ZNF382: variants seen among roughly 807,000 people sequenced by gnomAD.
ZNF382 encodes the protein KRAB/zinc finger suppressor protein 1.
ZNF382 carries 20 observed loss-of-function variants against 38.8 expected under a neutral mutation model. That is an observed-to-expected ratio of 0.51 (90% CI 0.36 to 0.75). The LOEUF (loss-of-function observed/expected upper bound fraction) is 0.75, where lower values mean the gene tolerates loss of function less well. ZNF382 is among the 30% of genes least tolerant of loss of function. ZNF382 has a pLI of 0.00. For synonymous variants in ZNF382, 202 were observed against 223.1 expected, an observed-to-expected ratio of 0.91 and a Z score of 0.84; for missense variants, 546 against 654.1, an observed-to-expected ratio of 0.83 and a Z score of 1.80.
chr19:36,611,413 A>G (rs1027000158), intron 4 of ZNF382, among the ~76,000 whole-genome samples: 1 of 152,188 alleles, frequency 6.6e-6, no homozygotes, highest in African/African-American at 2.4e-5. Flanking sequence ...GCAATCACAT[A>G]GTATTTATCC....
At position 36,607,621 on chromosome 19, in the gene ZNF382, A is replaced by C. The variant is rs1232491304; in HGVS notation, c.-15A>C. Reference sequence around the variant, plus strand: ...TCTAGAAATCTCAAAGCCATGTCTCAGGTGAGATGATGTTTCCTCTCTTTC... The same window carrying C: ...TCTAGAAATCTCAAAGCCATGTCTCCGGTGAGATGATGTTTCCTCTCTTTC... On this transcript the variant is annotated splice_region_variant and 5_prime_UTR_variant, in exon 2 of 5. Transcript: ENST00000292928. 7.2e-6 allele frequency: 11 copies of C among 1,523,964 alleles called. No homozygotes were observed. The highest frequency in any genetic ancestry group is 9.6e-6 in the Non-Finnish European group (11 of 1,143,462). The allele number at this position is 1,523,964 out of a possible 1,614,324, so 94.4% of individuals were successfully genotyped here. A position where few individuals can be genotyped will look rare whatever the true frequency, so the allele number is the denominator to read the frequency against.
chr19:36,610,794 C>T, intron 4 of ZNF382, 52 bp downstream of exon 4: 1 of 1,377,058 alleles, frequency 7.3e-7, no homozygotes, highest in Non-Finnish European at 1.0e-6. Context: ...TAGTTGAAGC[C>T]TTTGAATGTT....
In ZNF382 at chr19:36,617,437, T is replaced by G. The variant is rs538734319; in HGVS notation, c.232+6695T>G. 2.0e-5 allele frequency among the ~76,000 whole-genome samples: 3 copies of G among 152,226 alleles called. No individual in the cohort carries two copies. In the South Asian group the frequency reaches 6.2e-4, roughly 32 times the overall value. ...GTGGACCAGGAGTCTGACTCACCAG[T>G]GGGTCCCCAGTCAGTCAGGAGTGAA... On this transcript the variant is annotated intron_variant, in intron 4 of 4. Transcript: ENST00000292928.
At chr19:36,622,184 G>A (rs1214866562) in intron 4 of ZNF382, among the ~76,000 whole-genome samples, 2 of 152,060 alleles carry the variant, frequency 1.3e-5, no homozygotes, top group Non-Finnish European at 2.9e-5. Flanking sequence ...ACTACACCCT[G>A]CTGATTTTTG....
intron 4 of ZNF382, among the ~76,000 whole-genome samples, chr19:36,624,913 C>A (rs1799402745): frequency 1.3e-5 from 2 of 149,330 alleles, no homozygotes; most frequent in African/African-American, 2.5e-5. Flanking sequence ...AAAAAAAAAT[C>A]AAAAATTAGC....
chr19:36,623,716 C>G (rs1486067261), intron 4 of ZNF382, among the ~76,000 whole-genome samples: 1 of 151,786 alleles, frequency 6.6e-6, no homozygotes, highest in Non-Finnish European at 1.5e-5. Flanking sequence ...ATCACTTGAA[C>G]CTGGGATACT....
In ZNF382 at chr19:36,627,580, T is replaced by A. The variant is rs369180740; in HGVS notation, c.*30T>A. On this transcript the variant is annotated 3_prime_UTR_variant, in exon 5 of 5. Transcript: ENST00000292928. Reference sequence around the variant, plus strand: ...TGTGGCTTTTTTTGTAAAAAAATGTTAAGTCATAGTAAACCCTGTAGATGA... The same window carrying A: ...TGTGGCTTTTTTTGTAAAAAAATGTAAAGTCATAGTAAACCCTGTAGATGA... 5 of 1,512,272 alleles carry A rather than the reference T, an allele frequency of 3.3e-6. No individual in the cohort carries two copies. In the African/African-American group the frequency reaches 6.9e-5, roughly 21 times the overall value. 93.7% of individuals were successfully genotyped at this position (1,512,272 alleles called of 1,614,324 possible). A position where few individuals can be genotyped will look rare whatever the true frequency, so the allele number is the denominator to read the frequency against.
At chr19:36,615,248 T>G (rs1568628829) in intron 4 of ZNF382, among the ~76,000 whole-genome samples, 1 of 152,106 alleles carries the variant, frequency 6.6e-6, no homozygotes, top group Non-Finnish European at 1.5e-5. Context: ...CCTCCCAAAG[T>G]GCTGGGACTA....
At chr19:36,618,155 G>C (rs775289413) in intron 4 of ZNF382, among the ~76,000 whole-genome samples, 21 of 152,222 alleles carry the variant, frequency 1.4e-4, no homozygotes, top group Non-Finnish European at 2.6e-4. Flanking sequence ...TACCAGAAAG[G>C]GACTGCCCCA....
Position 36,627,849 on chromosome 19 carries a change from T to G in ZNF382, c.*299T>G, listed in dbSNP as rs1042606343. 2 of 278,748 alleles carry G rather than the reference T, an allele frequency of 7.2e-6. No homozygotes were observed. The highest frequency in any genetic ancestry group is 4.4e-5 in the African/African-American group (2 of 45,398). 17.3% of individuals were successfully genotyped at this position (278,748 alleles called of 1,614,324 possible). On this transcript the variant is annotated 3_prime_UTR_variant, in exon 5 of 5. Coordinates refer to ENST00000292928, the MANE Select transcript of ZNF382 (RefSeq NM_032825.5). Reference sequence around the variant, plus strand: ...ATCACATTTTCCATTTCCATACATATCTTTTTGTTCATCAGTAATAACTAG... The same window carrying G: ...ATCACATTTTCCATTTCCATACATAGCTTTTTGTTCATCAGTAATAACTAG...
intron 1 of ZNF382, among the ~76,000 whole-genome samples, chr19:36,607,351 A>G (rs2145310016): frequency 6.6e-6 from 1 of 152,270 alleles, no homozygotes; most frequent in African/African-American, 2.4e-5. Context: ...TACTTTACCA[A>G]GAGACTGGGT....
Position 36,627,758 on chromosome 19 carries a change from C to CT in ZNF382, c.*217dup, listed in dbSNP as rs926732835. 112 of 469,870 alleles carry CT rather than the reference C, an allele frequency of 2.4e-4. No individual in the cohort carries two copies. Among genetic ancestry groups the CT allele is most frequent in the Middle Eastern group, 5.8e-4 (1 of 1,730 alleles). The allele number at this position is 469,870 out of a possible 1,614,324, so 29.1% of individuals were successfully genotyped here. On this transcript the variant is annotated 3_prime_UTR_variant, in exon 5 of 5. Coordinates refer to ENST00000292928, the MANE Select transcript of ZNF382 (RefSeq NM_032825.5). ...GACAAAAATCATTAAGAAGTCCAAACTTTTTTTTTATTACTAGCTTCAGCA... is the reference window on the plus strand; with the variant it reads ...GACAAAAATCATTAAGAAGTCCAAACTTTTTTTTTTATTACTAGCTTCAGCA...
In ZNF382 at chr19:36,630,498, C is replaced by T. The variant is rs1161990218; in HGVS notation, c.*2948C>T. ...TCCCAAGTAGCTGGGATTACAGGCGCCCACCTGTATTTTTAGTAGAGACGG... is the reference window on the plus strand; with the variant it reads ...TCCCAAGTAGCTGGGATTACAGGCGTCCACCTGTATTTTTAGTAGAGACGG... On this transcript the variant is annotated 3_prime_UTR_variant, in exon 5 of 5. Transcript: ENST00000292928. The T allele has an allele frequency of 6.7e-6, 1 of 149,582 alleles. No individual in the cohort carries two copies. Among genetic ancestry groups the T allele is most frequent in the South Asian group, 2.1e-4 (1 of 4,688 alleles). 9.3% of individuals were successfully genotyped at this position (149,582 alleles called of 1,614,324 possible).
In ZNF382 at chr19:36,629,761, C is replaced by G. The variant is rs1158251406; in HGVS notation, c.*2211C>G. Reference sequence around the variant, plus strand: ...CCAGCCTGGGAAACATGCCAAAACCCCATCTCTACAAAAAATTAGCCAGGA... The same window carrying G: ...CCAGCCTGGGAAACATGCCAAAACCGCATCTCTACAAAAAATTAGCCAGGA... On this transcript the variant is annotated 3_prime_UTR_variant, in exon 5 of 5. Transcript: ENST00000292928. The G allele has an allele frequency of 6.6e-6, 1 of 151,810 alleles. No homozygotes were observed. The highest frequency in any genetic ancestry group is 2.4e-5 in the African/African-American group (1 of 41,328). 9.4% of individuals were successfully genotyped at this position (151,810 alleles called of 1,614,324 possible).
In ZNF382 at chr19:36,626,361, GC is replaced by G; in HGVS notation, c.468del (p.Ile157Ter). ...NISELVIRNI[S>X]PIKEKFGDST... The stretch of plus-strand genomic sequence containing the variant: ...TCAGAACTAGTCATTAGAAATATAA[GC>G]CCCATAAAAGAGAAGTTTGGTGACA... On this transcript the variant is annotated frameshift_variant, in exon 5 of 5. Coordinates refer to ENST00000292928, the MANE Select transcript of ZNF382 (RefSeq NM_032825.5). LOFTEE classifies it high-confidence loss of function. The G allele has an allele frequency of 6.3e-7, 1 of 1,579,158 alleles. No homozygotes were observed. The highest frequency in any genetic ancestry group is 2.2e-5 in the East Asian group (1 of 44,636).
intron 2 of ZNF382, 44 bp downstream of exon 2, chr19:36,607,666 G>T: frequency 6.7e-7 from 1 of 1,494,376 alleles, no homozygotes; most frequent in South Asian, 1.3e-5. Flanking sequence ...TTTTTTTCAT[G>T]GTGTATGAAC....
intron 4 of ZNF382, among the ~76,000 whole-genome samples, chr19:36,616,548 C>T (rs2037127670): frequency 6.6e-6 from 1 of 152,260 alleles, no homozygotes; most frequent in Non-Finnish European, 1.5e-5. Context: ...ATCTTTGCTC[C>T]ACTTTATATT....
rs372698489 is a variant in ZNF382, at chr19:36,628,315, A to G, written c.*765A>G. ...ATACATGTATTTCTCTTGTGTATATACTTAGGAGTGGAATCGCTGGGTCTT... is the reference window on the plus strand; with the variant it reads ...ATACATGTATTTCTCTTGTGTATATGCTTAGGAGTGGAATCGCTGGGTCTT... On this transcript the variant is annotated 3_prime_UTR_variant, in exon 5 of 5. Coordinates refer to ENST00000292928, the MANE Select transcript of ZNF382 (RefSeq NM_032825.5). The G allele has an allele frequency of 6.6e-6, 1 of 152,562 alleles. No homozygotes were observed. The highest frequency in any genetic ancestry group is 2.4e-5 in the African/African-American group (1 of 41,422). 9.5% of individuals were successfully genotyped at this position (152,562 alleles called of 1,614,324 possible).
Position 36,610,140 on chromosome 19 carries a change from G to A in ZNF382, c.139+87G>A, listed in dbSNP as rs139700097. On this transcript the variant is annotated intron_variant, in intron 3 of 4. Transcript: ENST00000292928. ...ATAGGACTTTGAATTTCAGGGATTA[G>A]AGGTGATTATTTTTTTGGCAGAAAA... The A allele has an allele frequency of 1.7e-5, 25 of 1,513,148 alleles. No homozygotes were observed. In the South Asian group the frequency reaches 2.9e-4, roughly 17 times the overall value. 93.7% of individuals were successfully genotyped at this position (1,513,148 alleles called of 1,614,324 possible). A position where few individuals can be genotyped will look rare whatever the true frequency, so the allele number is the denominator to read the frequency against.
Sources: allele counts gnomAD v4.1 joint callset (sites outside exome capture counted in the v4.1 genomes callset), GRCh38; gene constraint gnomAD v4.1.1; transcripts MANE v1.5; gene names NCBI Gene and HGNC (gene_info 2026-07-23, HGNC 2026-07-21).